The following TFDP1 variants were observed in gnomAD, a reference collection of about 807,000 sequenced individuals.
TFDP1 encodes DRTF1-polypeptide 1.
A neutral mutation model predicts 48.0 loss-of-function variants in TFDP1; 6 were observed. That is an observed-to-expected ratio of 0.13 (90% CI 0.07 to 0.25). TFDP1 has a LOEUF of 0.25. TFDP1 is among the 10% of genes least tolerant of loss of function. The probability of loss-of-function intolerance (pLI) is 1.00; values close to 1 mark genes in which losing one functional copy is unlikely to be tolerated. For missense variants in TFDP1, 335 were observed against 543.0 expected, an observed-to-expected ratio of 0.62 and a Z score of 3.81; for synonymous variants, 201 against 211.6, an observed-to-expected ratio of 0.95 and a Z score of 0.44.
chr13:113,626,102 T>TGTCTCTCACGTGTCCTCAGGC lies in TFDP1; in HGVS notation c.186+2836_186+2837insCGTCTCTCACGTGTCCTCAGG, dbSNP rs1566668143. On this transcript the variant is annotated intron_variant, in intron 4 of 11. Coordinates refer to ENST00000375370, the MANE Select transcript of TFDP1 (RefSeq NM_007111.5). ...CACGTGTCCTCAGGTGTTTCTCAGG[T>TGTCTCTCACGTGTCCTCAGGC]GTCTCTCACGTGTCCTCAGGTGTCT... is the stretch of plus-strand genomic sequence containing the variant. Among the ~76,000 whole-genome samples the TGTCTCTCACGTGTCCTCAGGC allele has an allele frequency of 1.6e-3, 206 of 125,766 alleles. 11 individuals carry two copies. In the East Asian group the frequency reaches 0.034, roughly 21 times the overall value. The allele number at this position is 125,766 out of a possible 152,430, so 82.5% of individuals were successfully genotyped here. A position where few individuals can be genotyped will look rare whatever the true frequency, so the allele number is the denominator to read the frequency against.
chr13:113,599,302 G>A (rs1003996660), intron 2 of TFDP1, among the ~76,000 whole-genome samples: 1 of 152,126 alleles, frequency 6.6e-6, no homozygotes, highest in Non-Finnish European at 1.5e-5. Flanking sequence ...ACTCCCTGCC[G>A]GGCCAGGGTG....
At chr13:113,594,817 C>G (rs1446262758) in intron 2 of TFDP1, among the ~76,000 whole-genome samples, 1 of 152,170 alleles carries the variant, frequency 6.6e-6, no homozygotes, top group African/African-American at 2.4e-5. Context: ...AAAAAAAGTT[C>G]AAGTAATATT....
In TFDP1 at chr13:113,607,769, G is replaced by A. The variant is rs533855811; in HGVS notation, c.13-3227G>A. Among the ~76,000 whole-genome samples the A allele has an allele frequency of 2.9e-3, 436 of 152,284 alleles. 4 individuals are homozygous for A. The highest frequency in any genetic ancestry group is 9.9e-3 in the African/African-American group (412 of 41,560). On this transcript the variant is annotated intron_variant, in intron 2 of 11. Coordinates refer to ENST00000375370, the MANE Select transcript of TFDP1 (RefSeq NM_007111.5). The surrounding 1 kb of genome is among the most constrained non-coding windows in gnomAD (Gnocchi z 5.2). ...CTGTGCCAGTGGGTGGCGGTGACGGGGGCCAGTGGTTTCCTGGACCTGGGT... is the reference window on the plus strand; with the variant it reads ...CTGTGCCAGTGGGTGGCGGTGACGGAGGCCAGTGGTTTCCTGGACCTGGGT...
At chr13:113,597,340 G>T (rs1314907673) in intron 2 of TFDP1, among the ~76,000 whole-genome samples, 1 of 152,194 alleles carries the variant, frequency 6.6e-6, no homozygotes. Flanking sequence ...CGGTATACTC[G>T]GGCGAGGGCT....
Position 113,607,279 on chromosome 13 carries a change from G to C in TFDP1, c.13-3717G>C, listed in dbSNP as rs1319193451. ...TTCTCCAGGAGAAAGCTGAGGAAAGGGGCCAGCCGTGAGCTGCGGGTGCTT... is the reference window on the plus strand; with the variant it reads ...TTCTCCAGGAGAAAGCTGAGGAAAGCGGCCAGCCGTGAGCTGCGGGTGCTT... On this transcript the variant is annotated intron_variant, in intron 2 of 11. Coordinates refer to ENST00000375370, the MANE Select transcript of TFDP1 (RefSeq NM_007111.5). The surrounding 1 kb of genome is among the most constrained non-coding windows in gnomAD (Gnocchi z 5.2). 6.6e-6 allele frequency among the ~76,000 whole-genome samples: 1 copy of C among 152,234 alleles called. No homozygotes were observed. The highest frequency in any genetic ancestry group is 6.5e-5 in the Admixed American group (1 of 15,292).
rs2048601543 is a variant in TFDP1, at chr13:113,607,636, C to T, written c.13-3360C>T. ...GAGGCTGGCGGAGAAAGACCGGCCC[C>T]TTCACCCCACCTTAGACTTCCTGGA... On this transcript the variant is annotated intron_variant, in intron 2 of 11. Coordinates refer to ENST00000375370, the MANE Select transcript of TFDP1 (RefSeq NM_007111.5). The surrounding 1 kb of genome is among the most constrained non-coding windows in gnomAD (Gnocchi z 5.2). Among the ~76,000 whole-genome samples the T allele has an allele frequency of 6.6e-6, 1 of 152,226 alleles. No individual in the cohort carries two copies. Among genetic ancestry groups the T allele is most frequent in the African/African-American group, 2.4e-5 (1 of 41,452 alleles).
intron 2 of TFDP1, among the ~76,000 whole-genome samples, chr13:113,602,222 G>A (rs375439860): frequency 8.6e-5 from 13 of 151,580 alleles, no homozygotes; most frequent in South Asian, 4.2e-4. Flanking sequence ...AGGGAGGAGC[G>A]GACGGAGTTA....
chr13:113,624,553 G>A (rs376707268), intron 4 of TFDP1, among the ~76,000 whole-genome samples: 45 of 113,356 alleles, frequency 4.0e-4, no homozygotes, highest in Admixed American at 1.7e-3. Context: ...TATCTCTCAC[G>A]TGTCCTCAGG....
chr13:113,636,915 C>T (rs1280417424), intron 10 of TFDP1, among the ~76,000 whole-genome samples: 4 of 152,074 alleles, frequency 2.6e-5, no homozygotes, highest in African/African-American at 9.7e-5. Context: ...GATATGGGGG[C>T]CTTGAGTCCA....
In TFDP1 at chr13:113,609,782, A is replaced by T. The variant is rs145112106; in HGVS notation, c.13-1214A>T. ...GGGTGCCTTTACCCTCAGCGAAGGCAGCAACCCTCATCGCTGCCCCCCAGC... is the reference window on the plus strand; with the variant it reads ...GGGTGCCTTTACCCTCAGCGAAGGCTGCAACCCTCATCGCTGCCCCCCAGC... On this transcript the variant is annotated intron_variant, in intron 2 of 11. Transcript: ENST00000375370. Among the ~76,000 whole-genome samples, 58 of 152,244 alleles carry T rather than the reference A, an allele frequency of 3.8e-4. No individual in the cohort carries two copies. In the East Asian group the frequency reaches 9.3e-3, roughly 24 times the overall value.
rs765310352 is a variant in TFDP1, at chr13:113,636,102, C to A, written c.813C>A (p.Val271=). 1.2e-6 allele frequency: 2 copies of A among 1,614,186 alleles called. No individual in the cohort carries two copies. Among genetic ancestry groups the A allele is most frequent in the South Asian group, 2.2e-5 (2 of 91,064 alleles). Residue 271 remains valine (V), a synonymous_variant, in exon 9 of 12, where the codon GTC becomes GTA. Transcript: ENST00000375370. ...FIIVNTSKKT[V]IDCSISNDKF... The stretch of plus-strand genomic sequence containing the variant: ...TCGTCAACACCAGCAAGAAGACGGT[C>A]ATCGACTGCAGCATCTCCAATGACA...
At chr13:113,637,339 C>G (rs1056974131) in intron 10 of TFDP1, 5 of 316,310 alleles carry the variant, frequency 1.6e-5, no homozygotes, top group African/African-American at 1.1e-4. Context: ...GAGATTCCTC[C>G]CTGAGCTCTT....
At position 113,633,256 on chromosome 13, in the gene TFDP1, G is replaced by A. The variant is rs1177419015; in HGVS notation, c.445G>A (p.Ala149Thr). 1 of 1,613,960 alleles carries A rather than the reference G, an allele frequency of 6.2e-7. No homozygotes were observed. Among genetic ancestry groups the A allele is most frequent in the Non-Finnish European group, 8.5e-7 (1 of 1,179,966 alleles). ...CGAGCTGGTTGCGGAGTTCAGTGCT[G>A]CCGACAACCACATCTTACCAAACGA... The part of the protein sequence containing the change: ...ADELVAEFSA[A>T]DNHILPNESA... Residue 149 changes from alanine (A) to threonine (T), a missense_variant, in exon 6 of 12, where the codon GCC (alanine) becomes ACC (threonine). Ala to Thr is a moderately conservative substitution (Grantham distance 58). Transcript: ENST00000375370. The surrounding 1 kb of genome is among the most constrained non-coding windows in gnomAD (Gnocchi z 4.5).
chr13:113,607,529 G>A lies in TFDP1; in HGVS notation c.13-3467G>A, dbSNP rs941732479. Reference sequence around the variant, plus strand: ...GCAGTGCGACACTGGCCCACGTGTCGTCCTTGTTCTCTCCTCATTGCTGCC... The same window carrying A: ...GCAGTGCGACACTGGCCCACGTGTCATCCTTGTTCTCTCCTCATTGCTGCC... On this transcript the variant is annotated intron_variant, in intron 2 of 11. Transcript: ENST00000375370. The surrounding 1 kb of genome is among the most constrained non-coding windows in gnomAD (Gnocchi z 5.2). Among the ~76,000 whole-genome samples the A allele has an allele frequency of 2.6e-5, 4 of 152,344 alleles. No individual in the cohort carries two copies. The highest frequency in any genetic ancestry group is 2.1e-4 in the South Asian group (1 of 4,828).
chr13:113,622,577 T>C (rs1594495970), intron 3 of TFDP1, among the ~76,000 whole-genome samples: 1 of 152,236 alleles, frequency 6.6e-6, no homozygotes, highest in East Asian at 1.9e-4. Context: ...GTTCCAGGAC[T>C]TTTATCCACC....
Position 113,636,169 on chromosome 13 carries a change from C to CT in TFDP1, c.839+47dup, listed in dbSNP as rs772508172. 5 of 1,607,286 alleles carry CT rather than the reference C, an allele frequency of 3.1e-6. No homozygotes were observed. In the East Asian group the frequency reaches 1.1e-4, roughly 36 times the overall value. On this transcript the variant is annotated intron_variant, in intron 9 of 11. Transcript: ENST00000375370. ...GGAGCTGTTCCCTGGTCACCCATCT[C>CT]TTTTTTAGGGAGCCGACCCTGTTGG...
At chr13:113,587,945 C>T (rs1294630459) in intron 2 of TFDP1, among the ~76,000 whole-genome samples, 3 of 152,156 alleles carry the variant, frequency 2.0e-5, no homozygotes, top group South Asian at 2.1e-4. Context: ...TGACCTTGGC[C>T]TCCTGGGTTC....
intron 2 of TFDP1, among the ~76,000 whole-genome samples, chr13:113,593,323 T>C: frequency 7.3e-6 from 1 of 137,876 alleles, no homozygotes; most frequent in Admixed American, 7.1e-5. Context: ...TGTGCGCAGG[T>C]CCTCAGCCCT....
At chr13:113,625,031 GT>G (rs1216832297) in intron 4 of TFDP1, among the ~76,000 whole-genome samples, 10 of 131,910 alleles carry the variant, frequency 7.6e-5, no homozygotes, top group Non-Finnish European at 1.6e-4. Context: ...GTCCTCAGGT[GT>G]TTCTCAGGTG....
Sources: gnomAD v4.1 joint callset for allele counts (sites outside exome capture counted in the v4.1 genomes callset) on GRCh38, gnomAD v4.1.1 for gene constraint, Gnocchi (gnomAD v3.1) non-coding constraint, MANE v1.5 for transcripts, NCBI Gene and HGNC (gene_info 2026-07-23, HGNC 2026-07-21) for gene names.